The following PPM1G variants were observed in gnomAD, a reference collection of about 807,000 sequenced individuals.
PPM1G encodes protein phosphatase, Mg2+/Mn2+ dependent 1G.
In PPM1G, 12 loss-of-function variants were observed where a neutral mutation model predicts 59.4. The ratio of observed to expected loss-of-function variants is 0.20; its 90% CI spans 0.13 to 0.33. The LOEUF is 0.33. PPM1G is among the 10% of genes least tolerant of loss of function. The pLI, the probability that PPM1G is intolerant of heterozygous loss-of-function variation, is 1.00. For synonymous variants in PPM1G, 245 were observed against 251.9 expected (o/e 0.97, Z 0.26); for missense variants, 392 against 681.3 (o/e 0.58, Z 4.73).
At chr2:27,392,224 C>T (rs746935850) in intron 1 of PPM1G, among the ~76,000 whole-genome samples, 1 of 151,626 alleles carries the variant, frequency 6.6e-6, no homozygotes, top group East Asian at 1.9e-4. Flanking sequence ...ATCACTGAGT[C>T]CTGCATGCAG....
rs201908477 is a variant in PPM1G, at chr2:27,393,127, T to C, written c.121-5969A>G. The C allele has an allele frequency of 1.4e-5, 19 of 1,340,798 alleles. No homozygotes were observed. The East Asian group carries it at 4.1e-4, about 29-fold the overall frequency. The allele number at this position is 1,340,798 out of a possible 1,614,324, so 83.1% of individuals were successfully genotyped here. A position where few individuals can be genotyped will look rare whatever the true frequency, so the allele number is the denominator to read the frequency against. On this transcript the variant is annotated intron_variant, in intron 1 of 9. Transcript: ENST00000344034. ...GGTTTCTTGATATCCTGAAGGAAGATTCGGCCACCTCGTTGGTTCTACAGC... is the reference window on the plus strand; with the variant it reads ...GGTTTCTTGATATCCTGAAGGAAGACTCGGCCACCTCGTTGGTTCTACAGC...
At chr2:27,389,328 T>C (rs371186627) in intron 1 of PPM1G, among the ~76,000 whole-genome samples, 59 of 152,334 alleles carry the variant, frequency 3.9e-4, no homozygotes, top group African/African-American at 1.3e-3. Flanking sequence ...TTTTGTTCTT[T>C]TTCTCAAAGA....
chr2:27,383,531 C>T lies in PPM1G; in HGVS notation c.1036G>A (p.Ala346Thr). The T allele has an allele frequency of 1.9e-6, 3 of 1,614,162 alleles. No individual in the cohort carries two copies. The highest frequency in any genetic ancestry group is 2.5e-6 in the Non-Finnish European group (3 of 1,180,032). Residue 346 changes from alanine (A) to threonine (T), a missense_variant, in exon 7 of 10, where the codon GCA becomes ACA. Around this residue, in one of 6 missense-constraint regions of PPM1G, gnomAD observed 53 missense variants for 175.4 expected, o/e 0.30. Coordinates refer to ENST00000344034, the MANE Select transcript of PPM1G (RefSeq NM_177983.3). This position sits in a 1 kb window ranked among gnomAD's most constrained non-coding sequence, Gnocchi z 5.0. ...GATACCACACAGCGAGAGTCTCCTGCGTTGGCTACAATCAACTGCTTCCCT... is the reference window on the plus strand; with the variant it reads ...GATACCACACAGCGAGAGTCTCCTGTGTTGGCTACAATCAACTGCTTCCCT... ...IRGKQLIVAN[A>T]GDSRCVVSEA...
At position 27,403,963 on chromosome 2, in the gene PPM1G, A is replaced by G. The variant is rs533940956; in HGVS notation, c.120+5340T>C. Reference sequence around the variant, plus strand: ...CTATTGGCTATTGATATGAGATGCTAATCTGAAGATAAGAAAATAAATGTT... The same window carrying G: ...CTATTGGCTATTGATATGAGATGCTGATCTGAAGATAAGAAAATAAATGTT... On this transcript the variant is annotated intron_variant, in intron 1 of 9. Transcript: ENST00000344034. Among the ~76,000 whole-genome samples, 5 of 152,310 alleles carry G rather than the reference A, an allele frequency of 3.3e-5. No homozygotes were observed. The South Asian group carries it at 1.0e-3, about 32-fold the overall frequency.
Position 27,387,073 on chromosome 2 carries a change from G to A in PPM1G, c.190+16C>T, listed in dbSNP as rs746209532. 3 of 1,588,958 alleles carry A rather than the reference G, an allele frequency of 1.9e-6. No individual in the cohort carries two copies. In the East Asian group the frequency reaches 6.7e-5, roughly 35 times the overall value. The stretch of plus-strand genomic sequence containing the variant: ...TGGGGTCCTAGAATGTTACCAATAT[G>A]ATCTGTTAAAGTTACCTCCATGTCC... On this transcript the variant is annotated intron_variant, in intron 2 of 9. Transcript: ENST00000344034.
chr2:27,389,263 T>C (rs557756401), intron 1 of PPM1G, among the ~76,000 whole-genome samples: 22 of 152,156 alleles, frequency 1.4e-4, no homozygotes, highest in East Asian at 1.9e-4. Context: ...CACACACACA[T>C]ACACATATAT....
At chr2:27,393,923 T>C (rs809058) in intron 1 of PPM1G, among the ~76,000 whole-genome samples, 71,617 of 151,902 alleles carry the variant, frequency 0.47, 18,610 homozygotes, top group African/African-American at 0.69. Flanking sequence ...GCCAAGACGC[T>C]CGGCTGATTT....
chr2:27,396,612 A>C (rs936890968), intron 1 of PPM1G, among the ~76,000 whole-genome samples: 1 of 151,918 alleles, frequency 6.6e-6, no homozygotes, highest in Non-Finnish European at 1.5e-5. Flanking sequence ...GTGAGGAGTT[A>C]GAGACCAGCC....
intron 1 of PPM1G, among the ~76,000 whole-genome samples, chr2:27,405,364 C>A (rs549961384): frequency 1.9e-4 from 29 of 151,000 alleles, no homozygotes; most frequent in African/African-American, 6.8e-4. Flanking sequence ...AGCCACCGTG[C>A]CCAGTGCCTA....
chr2:27,384,142 T>G lies in PPM1G; in HGVS notation c.826-50A>C. ...GCTGAGACTGGGATGATCCCCTCCC[T>G]CCCCACAGCTCATACTCAGAATCAA... On this transcript the variant is annotated intron_variant, in intron 5 of 9. Transcript: ENST00000344034. This position sits in a 1 kb window ranked among gnomAD's most constrained non-coding sequence, Gnocchi z 4.8. 1 of 1,611,402 alleles carries G rather than the reference T, an allele frequency of 6.2e-7. No individual in the cohort carries two copies. Among genetic ancestry groups the G allele is most frequent in the Non-Finnish European group, 8.5e-7 (1 of 1,178,800 alleles).
Position 27,382,419 on chromosome 2 carries a change from C to G in PPM1G, c.1331+57G>C. 5 of 1,609,216 alleles carry G rather than the reference C, an allele frequency of 3.1e-6. No homozygotes were observed. The highest frequency in any genetic ancestry group is 4.2e-6 in the Non-Finnish European group (5 of 1,177,776). Reference sequence around the variant, plus strand: ...TCTAATCCTAGAGGTGCCCTGAGTCCTATAAGAGAAGACATGCTGCAGAAA... The same window carrying G: ...TCTAATCCTAGAGGTGCCCTGAGTCGTATAAGAGAAGACATGCTGCAGAAA... On this transcript the variant is annotated intron_variant, in intron 8 of 9. Coordinates refer to ENST00000344034, the MANE Select transcript of PPM1G (RefSeq NM_177983.3). This position sits in a 1 kb window ranked among gnomAD's most constrained non-coding sequence, Gnocchi z 4.2.
chr2:27,383,540 C>T lies in PPM1G; in HGVS notation c.1027G>A (p.Val343Ile). The T allele has an allele frequency of 6.2e-7, 1 of 1,614,208 alleles. No homozygotes were observed. Among genetic ancestry groups the T allele is most frequent in the Non-Finnish European group, 8.5e-7 (1 of 1,180,036 alleles). The change falls in exon 7 of 10, where the codon GTA (valine) becomes ATA (isoleucine). Residue 343 changes from valine (V) to isoleucine (I), a missense_variant. By Grantham distance (29) the Val-to-Ile change is conservative (BLOSUM62 3). Coordinates refer to ENST00000344034, the MANE Select transcript of PPM1G (RefSeq NM_177983.3). The surrounding 1 kb of genome is among the most constrained non-coding windows in gnomAD (Gnocchi z 5.0). Reference protein sequence around the residue: ...VALIRGKQLIVANAGDSRCVV... With the variant: ...VALIRGKQLIIANAGDSRCVV... ...CAGCGAGAGTCTCCTGCGTTGGCTA[C>T]AATCAACTGCTTCCCTCGTATCAGG...
chr2:27,393,473 G>A (rs1683969579), intron 1 of PPM1G: 1 of 782,582 alleles, frequency 1.3e-6, no homozygotes, highest in Non-Finnish European at 2.2e-6. Context: ...AGAGGTGACG[G>A]AGGGCTGGCT....
rs1018493532 is a variant in PPM1G at position 27,385,296 on chromosome 2, T to C, written c.410-208A>G. 5.4e-6 allele frequency: 3 copies of C among 552,542 alleles called. No individual in the cohort carries two copies. Among genetic ancestry groups the C allele is most frequent in the Non-Finnish European group, 9.3e-6 (3 of 322,146 alleles). The allele number at this position is 552,542 out of a possible 1,614,324, so 34.2% of individuals were successfully genotyped here. On this transcript the variant is annotated intron_variant, in intron 4 of 9. Coordinates refer to ENST00000344034, the MANE Select transcript of PPM1G (RefSeq NM_177983.3). The surrounding 1 kb of genome is among the most constrained non-coding windows in gnomAD (Gnocchi z 4.1). ...TTTTTGTGTTTCATCCCCTTCTTAA[T>C]CAAAACAACACTAGTTACTATACTT...
chr2:27,382,277 G>A lies in PPM1G; in HGVS notation c.1332-49C>T, dbSNP rs371566200. 2.3e-5 allele frequency: 36 copies of A among 1,588,282 alleles called. No individual in the cohort carries two copies. The African/African-American group carries it at 2.8e-4, about 12-fold the overall frequency. On this transcript the variant is annotated intron_variant, in intron 8 of 9. Coordinates refer to ENST00000344034, the MANE Select transcript of PPM1G (RefSeq NM_177983.3). The surrounding 1 kb of genome is among the most constrained non-coding windows in gnomAD (Gnocchi z 4.2). ...AATCTTCCAGTCTCACTAAGGCAGC[G>A]TAGAGGAGTATGGACAGAGGTGGTG...
chr2:27,381,260 C>G lies in PPM1G; in HGVS notation c.*339G>C. On this transcript the variant is annotated 3_prime_UTR_variant, in exon 10 of 10. Transcript: ENST00000344034. ...GAAAGTGTACAACAGAGAGCGGGTG[C>G]AAGCGGCCGAGGGCCATGGAGCCGC... 2.6e-6 allele frequency: 1 copy of G among 389,298 alleles called. No homozygotes were observed. Among genetic ancestry groups the G allele is most frequent in the Non-Finnish European group, 4.8e-6 (1 of 209,058 alleles). The allele number at this position is 389,298 out of a possible 1,614,324, so 24.1% of individuals were successfully genotyped here. A position where few individuals can be genotyped will look rare whatever the true frequency, so the allele number is the denominator to read the frequency against.
At chr2:27,381,880 C>A in intron 9 of PPM1G, 75 bp from the exon 10 acceptor site, 1 of 1,478,746 alleles carries the variant, frequency 6.8e-7, no homozygotes, top group Non-Finnish European at 9.4e-7. Context: ...CACAAGAGGG[C>A]TGGCTTGCTG....
chr2:27,397,819 T>A (rs1407845462), intron 1 of PPM1G, among the ~76,000 whole-genome samples: 1 of 152,082 alleles, frequency 6.6e-6, no homozygotes, highest in African/African-American at 2.4e-5. Flanking sequence ...CAGTGAGCTA[T>A]GATTGAGCCA....
chr2:27,395,496 T>G (rs1684029002), intron 1 of PPM1G, among the ~76,000 whole-genome samples: 1 of 152,034 alleles, frequency 6.6e-6, no homozygotes, highest in Non-Finnish European at 1.5e-5. Context: ...GCCGCTGCAC[T>G]CCAGCCTGGG....
Sources: allele counts gnomAD v4.1 joint callset (sites outside exome capture counted in the v4.1 genomes callset), GRCh38; gene constraint gnomAD v4.1.1; regional missense constraint gnomAD v4.1.1; non-coding constraint Gnocchi (gnomAD v3.1); transcripts MANE v1.5; gene names NCBI Gene and HGNC (gene_info 2026-07-23, HGNC 2026-07-21).